Variants in BAZ2B observed in about 807,000 individuals in gnomAD.
The protein encoded by BAZ2B is bromodomain adjacent to zinc finger domain protein 2B.
In BAZ2B, 91 loss-of-function variants were observed where a neutral mutation model predicts 246.0. The ratio of observed to expected loss-of-function variants is 0.37; its 90% CI spans 0.31 to 0.44. BAZ2B has a LOEUF of 0.44. BAZ2B is among the 20% of genes least tolerant of loss of function. The pLI is 1.00. For missense variants in BAZ2B, 2,332 were observed against 2,533.7 expected, an observed-to-expected ratio of 0.92 and a Z score of 1.71; for synonymous variants, 855 against 860.0, an observed-to-expected ratio of 0.99 and a Z score of 0.10.
At chr2:159,424,759 C>T (rs961730412) in intron 13 of BAZ2B, among the ~76,000 whole-genome samples, 1 of 152,148 alleles carries the variant, frequency 6.6e-6, no homozygotes, top group Admixed American at 6.5e-5. Context: ...GGCATATAAC[C>T]TATACCTATA....
At chr2:159,602,012 ATAAGAG>A (rs1359927689) in intron 1 of BAZ2B, among the ~76,000 whole-genome samples, 1 of 152,222 alleles carries the variant, frequency 6.6e-6, no homozygotes, top group Non-Finnish European at 1.5e-5. Flanking sequence ...ATTAAAAACA[ATAAGAG>A]TAATTCAATC....
Position 159,348,744 on chromosome 2 carries a change from C to T in BAZ2B, c.5227G>A (p.Ala1743Thr), listed in dbSNP as rs763806634. 4.3e-6 allele frequency: 7 copies of T among 1,613,138 alleles called. No homozygotes were observed. The highest frequency in any genetic ancestry group is 5.9e-6 in the Non-Finnish European group (7 of 1,179,714). ...VLHLRGIREK[A>T]LQKQIQKHLD... ...TGTTTCTGAATTTGTTTTTGTAATGCCTTTTCTCTTATTCCTCTGAGATGC... is the reference window on the plus strand; with the variant it reads ...TGTTTCTGAATTTGTTTTTGTAATGTCTTTTCTCTTATTCCTCTGAGATGC... Residue 1743 changes from alanine (A) to threonine (T), a missense_variant, in exon 30 of 37, where the codon GCA (alanine) becomes ACA (threonine). Transcript: ENST00000392783.
intron 8 of BAZ2B, 41 bp from the exon 9 acceptor site, chr2:159,433,404 C>A: frequency 2.0e-6 from 3 of 1,537,668 alleles, no homozygotes; most frequent in Non-Finnish European, 2.6e-6. Context: ...AAATGTACCA[C>A]AAAACAAAGA....
At chr2:159,526,700 A>G (rs968316244) in intron 2 of BAZ2B, among the ~76,000 whole-genome samples, 7 of 152,142 alleles carry the variant, frequency 4.6e-5, no homozygotes, top group Non-Finnish European at 1.0e-4. Flanking sequence ...AGAAAAATGA[A>G]TGTCTTTTGG....
intron 27 of BAZ2B, among the ~76,000 whole-genome samples, chr2:159,367,989 CACTT>C (rs2060402995): frequency 6.6e-6 from 1 of 152,182 alleles, no homozygotes; most frequent in South Asian, 2.1e-4. Context: ...ACTAGTTTGA[CACTT>C]ACTGATCTTT....
chr2:159,443,714 C>T (rs1371094666), intron 6 of BAZ2B, among the ~76,000 whole-genome samples: 1 of 152,058 alleles, frequency 6.6e-6, no homozygotes, highest in Non-Finnish European at 1.5e-5. Flanking sequence ...TGCTTAGTTG[C>T]CTTAGACACT....
intron 25 of BAZ2B, among the ~76,000 whole-genome samples, chr2:159,377,547 G>A (rs1044838748): frequency 3.3e-5 from 5 of 152,112 alleles, no homozygotes; most frequent in African/African-American, 1.2e-4. Context: ...GGGTGCAGTG[G>A]CTCATGCCTG....
chr2:159,323,176 G>A (rs953102194), intron 36 of BAZ2B, among the ~76,000 whole-genome samples: 5 of 151,868 alleles, frequency 3.3e-5, no homozygotes, highest in African/African-American at 1.2e-4. Flanking sequence ...GTAGAGATGA[G>A]ATTTCACCAT....
At chr2:159,400,766 C>T (rs370718404) in intron 16 of BAZ2B, 102 bp from the exon 17 acceptor site, 58 of 667,206 alleles carry the variant, frequency 8.7e-5, no homozygotes, top group African/African-American at 5.0e-4. Flanking sequence ...ACAGGTCAGG[C>T]GCAGTGGCTC....
At chr2:159,635,360 A>T in the BAZ2B span, among the ~76,000 whole-genome samples, 15 of 151,086 alleles carry the variant, frequency 9.9e-5, no homozygotes, top group South Asian at 2.1e-4. Flanking sequence ...AAATGTAAAA[A>T]AAAAATAAAA....
intron 14 of BAZ2B, chr2:159,411,826 G>T: frequency 2.2e-6 from 1 of 458,284 alleles, no homozygotes; most frequent in Non-Finnish European, 2.9e-6. Context: ...TGATTTTAAT[G>T]TATTAATTTG....
At chr2:159,346,839 C>T (rs748699458) in intron 31 of BAZ2B, among the ~76,000 whole-genome samples, 1 of 152,066 alleles carries the variant, frequency 6.6e-6, no homozygotes, top group African/African-American at 2.4e-5. Flanking sequence ...TTTGTTTGTC[C>T]ACTGGAAACC....
chr2:159,559,862 T>G (rs2089643572), intron 1 of BAZ2B, among the ~76,000 whole-genome samples: 1 of 152,184 alleles, frequency 6.6e-6, no homozygotes, highest in Non-Finnish European at 1.5e-5. Context: ...GAAAACATAA[T>G]TCAACTAATG....
intron 2 of BAZ2B, among the ~76,000 whole-genome samples, chr2:159,518,553 G>A (rs988322265): frequency 6.6e-6 from 1 of 152,194 alleles, no homozygotes; most frequent in Non-Finnish European, 1.5e-5. Context: ...GGAGAGACAA[G>A]AGGAGGAAGA....
chr2:159,545,014 T>C (rs992377133), intron 2 of BAZ2B, among the ~76,000 whole-genome samples: 2 of 152,220 alleles, frequency 1.3e-5, no homozygotes, highest in African/African-American at 4.8e-5. Context: ...TACAAAAAGC[T>C]ATCATAACAG....
At chr2:159,415,944 T>C (rs1576762578) in intron 13 of BAZ2B, among the ~76,000 whole-genome samples, 1 of 152,316 alleles carries the variant, frequency 6.6e-6, no homozygotes, top group African/African-American at 2.4e-5. Flanking sequence ...GTCTTTACAA[T>C]TGAGGAAATT....
chr2:159,497,994 T>C (rs1167689210), intron 2 of BAZ2B, among the ~76,000 whole-genome samples: 1 of 152,236 alleles, frequency 6.6e-6, no homozygotes, highest in Admixed American at 6.5e-5. Flanking sequence ...CTTTGAATTA[T>C]GGAGCACTTT....
chr2:159,406,622 T>A (rs541051132), intron 14 of BAZ2B, among the ~76,000 whole-genome samples: 46 of 152,182 alleles, frequency 3.0e-4, no homozygotes, highest in Non-Finnish European at 4.3e-4. Flanking sequence ...TTAAATTTTG[T>A]AGCCACTGAA....
intron 2 of BAZ2B, among the ~76,000 whole-genome samples, chr2:159,539,892 G>A (rs1408120753): frequency 6.6e-6 from 1 of 151,958 alleles, no homozygotes; most frequent in African/African-American, 2.4e-5. Context: ...CACGACACCT[G>A]GCTCTTTCTG....
Sources: gnomAD v4.1 joint callset for allele counts (sites outside exome capture counted in the v4.1 genomes callset) on GRCh38, gnomAD v4.1.1 for gene constraint, MANE v1.5 for transcripts, NCBI Gene and HGNC (gene_info 2026-07-23, HGNC 2026-07-21) for gene names.